Variants in AOPEP observed in about 807,000 individuals in gnomAD.
AOPEP encodes aminopeptidase O (putative).
Under a neutral mutation model 98.1 loss-of-function variants are expected in AOPEP, and 77 were observed. The observed-to-expected ratio is 0.78, with a 90% CI of 0.65 to 0.95. The LOEUF is 0.95. Ranked by LOEUF, AOPEP falls within the 40% of genes least tolerant of loss-of-function variation. The pLI, the probability that AOPEP is intolerant of heterozygous loss-of-function variation, is 0.00. For missense variants in AOPEP, 1,024 were observed against 1,024.7 expected, an observed-to-expected ratio of 1.00 and a Z score of 0.01; for synonymous variants, 346 against 365.3, an observed-to-expected ratio of 0.95 and a Z score of 0.60.
chr9:94,945,294 GT>G (rs200560050), intron 7 of AOPEP, among the ~76,000 whole-genome samples: 1 of 151,168 alleles, frequency 6.6e-6, no homozygotes, highest in African/African-American at 2.4e-5. Flanking sequence ...TGAATTATTT[GT>G]TTTTTTTTAA....
rs189942254 is a variant in AOPEP at position 94,758,564 on chromosome 9, C to T, written c.-135-1085C>T. Among the ~76,000 whole-genome samples, 92 of 152,280 alleles carry T rather than the reference C, an allele frequency of 6.0e-4. No individual in the cohort carries two copies. The East Asian group carries it at 0.013, about 21-fold the overall frequency. On this transcript the variant is annotated intron_variant, in intron 1 of 16. Coordinates refer to ENST00000375315, the MANE Select transcript of AOPEP (RefSeq NM_001193329.3). ...GGATACAAAGGGAGGGCTTGATTTA[C>T]TTGAAAATTCAAGCAAGTAATGATG...
At chr9:94,997,887 T>C (rs1280238406) in intron 11 of AOPEP, among the ~76,000 whole-genome samples, 1 of 152,044 alleles carries the variant, frequency 6.6e-6, no homozygotes, top group African/African-American at 2.4e-5. Flanking sequence ...TTTGTAGAGA[T>C]GGGATCTCAC....
intron 5 of AOPEP, among the ~76,000 whole-genome samples, chr9:94,841,378 T>C (rs2134822619): frequency 6.6e-6 from 1 of 152,316 alleles, no homozygotes; most frequent in Non-Finnish European, 1.5e-5. Flanking sequence ...TTCACCGTGT[T>C]ATCCAGGCTG....
At chr9:95,012,238 A>G (rs879389234) in intron 13 of AOPEP, among the ~76,000 whole-genome samples, 3 of 152,252 alleles carry the variant, frequency 2.0e-5, no homozygotes, top group Non-Finnish European at 4.4e-5. Context: ...GACCACCAGC[A>G]TAAAGCACAC....
chr9:94,897,508 CTT>C (rs1244820396), intron 5 of AOPEP, among the ~76,000 whole-genome samples: 1 of 152,008 alleles, frequency 6.6e-6, no homozygotes, highest in Admixed American at 6.6e-5. Context: ...ATGTGGGAAA[CTT>C]TTTAGAGTCA....
intron 5 of AOPEP, among the ~76,000 whole-genome samples, chr9:94,876,583 T>G (rs974902043): frequency 7.9e-5 from 12 of 152,186 alleles, no homozygotes; most frequent in Admixed American, 1.3e-4. Flanking sequence ...GCCAGGTTGG[T>G]CTCGATCTCC....
At chr9:94,836,685 C>G (rs898680933) in intron 5 of AOPEP, among the ~76,000 whole-genome samples, 27 of 152,110 alleles carry the variant, frequency 1.8e-4, no homozygotes, top group African/African-American at 6.3e-4. Flanking sequence ...TCTCATAGAG[C>G]AAGTAATTTC....
chr9:94,900,090 A>G (rs1369388291), intron 5 of AOPEP, among the ~76,000 whole-genome samples: 2 of 152,188 alleles, frequency 1.3e-5, no homozygotes, highest in Non-Finnish European at 2.9e-5. Context: ...CCACAGTTAT[A>G]ATATGAAGAG....
intron 3 of AOPEP, among the ~76,000 whole-genome samples, chr9:94,786,145 G>A (rs1258994675): frequency 8.5e-5 from 13 of 152,214 alleles, no homozygotes. Context: ...AACAACAACA[G>A]ATGATGACAG....
the AOPEP span, chr9:95,100,331 C>G: frequency 4.3e-6 from 1 of 232,266 alleles, no homozygotes; most frequent in Non-Finnish European, 8.5e-6. Context: ...AAGAAAGGCT[C>G]AGGTGAAAAG....
chr9:94,887,582 A>G (rs1380004893), intron 5 of AOPEP, among the ~76,000 whole-genome samples: 2 of 152,136 alleles, frequency 1.3e-5, no homozygotes, highest in African/African-American at 2.4e-5. Flanking sequence ...TAAACTCTAA[A>G]GTGCTAAACC....
At chr9:94,991,213 C>A (rs954265849) in intron 11 of AOPEP, among the ~76,000 whole-genome samples, 3 of 152,230 alleles carry the variant, frequency 2.0e-5, no homozygotes, top group African/African-American at 7.2e-5. Flanking sequence ...GAGCACCTGG[C>A]TACTTTTACA....
At chr9:94,824,616 G>T (rs1854055498) in intron 5 of AOPEP, 1 of 152,198 alleles carries the variant, frequency 6.6e-6, no homozygotes, top group Non-Finnish European at 1.5e-5. Context: ...TTGCAGAAGG[G>T]TGGAACCAGG....
chr9:95,134,304 T>C, the AOPEP span, among the ~76,000 whole-genome samples: 2 of 152,218 alleles, frequency 1.3e-5, no homozygotes, highest in Non-Finnish European at 1.5e-5. Flanking sequence ...CTAAACAAGT[T>C]GAAGGCCTCT....
the AOPEP span, among the ~76,000 whole-genome samples, chr9:95,132,437 G>C: frequency 6.6e-6 from 1 of 152,204 alleles, no homozygotes; most frequent in Non-Finnish European, 1.5e-5. Flanking sequence ...CGGTTTTTAA[G>C]GTCAGGTCTG....
At chr9:94,838,974 A>C (rs1171844667) in intron 5 of AOPEP, among the ~76,000 whole-genome samples, 2 of 133,972 alleles carry the variant, frequency 1.5e-5, no homozygotes, top group Non-Finnish European at 3.1e-5. Flanking sequence ...GCAGTGGCGC[A>C]ATCTCGGCTC....
chr9:94,926,376 G>A (rs575614467), intron 6 of AOPEP, among the ~76,000 whole-genome samples: 2 of 152,330 alleles, frequency 1.3e-5, no homozygotes, highest in South Asian at 4.1e-4. Context: ...AGCAGGAGCT[G>A]AGCTTGCCCT....
At chr9:94,814,679 A>G (rs1851332584) in intron 5 of AOPEP, among the ~76,000 whole-genome samples, 1 of 152,328 alleles carries the variant, frequency 6.6e-6, no homozygotes, top group South Asian at 2.1e-4. Flanking sequence ...AGTCCTCTCA[A>G]GAGCAAACAA....
chr9:94,784,477 A>G (rs1843973194), intron 3 of AOPEP, among the ~76,000 whole-genome samples: 1 of 152,224 alleles, frequency 6.6e-6, no homozygotes, highest in African/African-American at 2.4e-5. Flanking sequence ...TTCACTGAGA[A>G]TTATTCTTCC....
Sources: gnomAD v4.1 joint callset for allele counts (sites outside exome capture counted in the v4.1 genomes callset) on GRCh38, gnomAD v4.1.1 for gene constraint, MANE v1.5 for transcripts, NCBI Gene and HGNC (gene_info 2026-07-23, HGNC 2026-07-21) for gene names.